Variants in SKAP2 observed in about 807,000 individuals in gnomAD.
SKAP2 encodes the protein src kinase associated phosphoprotein 2, also known as src kinase-associated phosphoprotein 2.
A neutral mutation model predicts 54.9 loss-of-function variants in SKAP2; 28 were observed. The observed-to-expected ratio is 0.51, with a 90% CI of 0.38 to 0.70. The LOEUF (loss-of-function observed/expected upper bound fraction) is 0.70. SKAP2 is among the 30% of genes least tolerant of loss of function. The pLI is 0.00. For missense variants in SKAP2, 356 were observed against 424.1 expected (o/e 0.84, Z 1.41); for synonymous variants, 137 against 134.3 (o/e 1.02, Z -0.14).
At chr7:26,783,382 T>A (rs1035096478) in intron 4 of SKAP2, among the ~76,000 whole-genome samples, 44 of 152,092 alleles carry the variant, frequency 2.9e-4, no homozygotes, top group African/African-American at 1.0e-3. Flanking sequence ...GTGACTCCCC[T>A]ACCCGTTTCC....
At chr7:26,864,267 A>G in intron 1 of SKAP2, 96 bp downstream of exon 1, 1 of 1,440,784 alleles carries the variant, frequency 6.9e-7, no homozygotes. Context: ...AAGCGCGGGG[A>G]GGGAGGATAA....
intron 9 of SKAP2, among the ~76,000 whole-genome samples, chr7:26,697,389 G>A (rs1159163440): frequency 6.6e-6 from 1 of 152,320 alleles, no homozygotes; most frequent in African/African-American, 2.4e-5. Context: ...AAGCGACTGT[G>A]AATTAGAAAA....
At chr7:26,833,166 G>A (rs1049231399) in intron 4 of SKAP2, among the ~76,000 whole-genome samples, 25 of 152,106 alleles carry the variant, frequency 1.6e-4, no homozygotes, top group South Asian at 4.2e-4. Context: ...ACTGTGAGGC[G>A]GGCGGATCAC....
chr7:26,695,439 T>C (rs1399017490), intron 9 of SKAP2, among the ~76,000 whole-genome samples: 1 of 152,232 alleles, frequency 6.6e-6, no homozygotes, highest in Non-Finnish European at 1.5e-5. Flanking sequence ...TTTATGAATA[T>C]GAAAAATGAA....
intron 4 of SKAP2, among the ~76,000 whole-genome samples, chr7:26,765,251 T>TA (rs1289732362): frequency 3.3e-5 from 5 of 152,244 alleles, no homozygotes; most frequent in African/African-American, 1.2e-4. Context: ...CTTTCCTTCA[T>TA]ATGTTTTTTG....
At chr7:26,737,587 T>A (rs1787970719) in intron 6 of SKAP2, among the ~76,000 whole-genome samples, 1 of 152,220 alleles carries the variant, frequency 6.6e-6, no homozygotes, top group South Asian at 2.1e-4. Flanking sequence ...AACATAAATT[T>A]CCAAACAACA....
chr7:26,671,332 G>A (rs1200063154), intron 11 of SKAP2, among the ~76,000 whole-genome samples: 1 of 152,032 alleles, frequency 6.6e-6, no homozygotes, highest in African/African-American at 2.4e-5. Context: ...CAGCATCTGA[G>A]TCATAGATAA....
intron 4 of SKAP2, among the ~76,000 whole-genome samples, chr7:26,812,709 A>G (rs1238442424): frequency 6.6e-6 from 1 of 152,214 alleles, no homozygotes; most frequent in Admixed American, 6.5e-5. Flanking sequence ...ACTATTACCA[A>G]AAATAATGCA....
At chr7:26,834,676 C>A (rs1410749707) in intron 4 of SKAP2, among the ~76,000 whole-genome samples, 1 of 152,164 alleles carries the variant, frequency 6.6e-6, no homozygotes, top group East Asian at 1.9e-4. Flanking sequence ...AGACCCATAA[C>A]AAGTTCTGAA....
chr7:26,760,411 T>C (rs1782900238), intron 4 of SKAP2, among the ~76,000 whole-genome samples: 1 of 152,162 alleles, frequency 6.6e-6, no homozygotes, highest in African/African-American at 2.4e-5. Context: ...TCACGCTCCC[T>C]TATCTATCGA....
intron 9 of SKAP2, among the ~76,000 whole-genome samples, chr7:26,708,780 T>C (rs1787229198): frequency 2.0e-5 from 3 of 152,194 alleles, no homozygotes; most frequent in Admixed American, 6.5e-5. Flanking sequence ...ATTTGTTATA[T>C]TTATTTCTAA....
chr7:26,739,265 C>G (rs1782375455), intron 5 of SKAP2, among the ~76,000 whole-genome samples: 1 of 152,040 alleles, frequency 6.6e-6, no homozygotes, highest in Non-Finnish European at 1.5e-5. Flanking sequence ...GCTAAGAAAG[C>G]TAAGAAAAGC....
chr7:26,710,013 T>C (rs1194899105), intron 9 of SKAP2, among the ~76,000 whole-genome samples: 4 of 152,226 alleles, frequency 2.6e-5, no homozygotes, highest in Non-Finnish European at 5.9e-5. Flanking sequence ...CCACTGATAG[T>C]ATACTGTTTG....
At chr7:26,776,479 C>T (rs149132522) in intron 4 of SKAP2, among the ~76,000 whole-genome samples, 2 of 152,118 alleles carry the variant, frequency 1.3e-5, no homozygotes, top group African/African-American at 4.8e-5. Flanking sequence ...CCTTTCCTTC[C>T]TATAATCTCT....
intron 9 of SKAP2, among the ~76,000 whole-genome samples, chr7:26,700,765 C>T (rs930500263): frequency 6.6e-6 from 1 of 152,180 alleles, no homozygotes; most frequent in Admixed American, 6.5e-5. Flanking sequence ...TTTCAGGGAA[C>T]CCAACTTGAG....
At position 26,679,672 on chromosome 7, in the gene SKAP2, G is replaced by A. The variant is rs149058028; in HGVS notation, c.987+5064C>T. Among the ~76,000 whole-genome samples the A allele has an allele frequency of 3.2e-3, 494 of 152,220 alleles. 6 individuals carry two copies. Among genetic ancestry groups the A allele is most frequent in the African/African-American group, 0.011 (465 of 41,526 alleles). ...CTATTTGTGGCATACTGGGTCATAC[G>A]GTTACAAATGAAAAACTAAGACAGC... is the stretch of plus-strand genomic sequence containing the variant. On this transcript the variant is annotated intron_variant, in intron 11 of 12. Transcript: ENST00000345317.
intron 3 of SKAP2, among the ~76,000 whole-genome samples, chr7:26,848,811 G>A (rs916290601): frequency 6.6e-6 from 1 of 152,108 alleles, no homozygotes; most frequent in Non-Finnish European, 1.5e-5. Context: ...TTAAGGCTCT[G>A]AAGAATCTAG....
chr7:26,701,910 C>A (rs1426879699), intron 9 of SKAP2, among the ~76,000 whole-genome samples: 4 of 151,944 alleles, frequency 2.6e-5, no homozygotes, highest in Admixed American at 6.6e-5. Context: ...CAAAATACCA[C>A]AATATTTTTG....
intron 4 of SKAP2, among the ~76,000 whole-genome samples, chr7:26,841,783 T>C (rs1226303992): frequency 6.6e-6 from 1 of 152,024 alleles, no homozygotes; most frequent in Non-Finnish European, 1.5e-5. Context: ...GAAAAATACA[T>C]ATCATGTTTA....
Sources: allele counts gnomAD v4.1 joint callset (sites outside exome capture counted in the v4.1 genomes callset), GRCh38; gene constraint gnomAD v4.1.1; transcripts MANE v1.5; gene names NCBI Gene and HGNC (gene_info 2026-07-23, HGNC 2026-07-21).